Variants in MEIS2 observed in about 807,000 individuals in gnomAD.
The protein encoded by MEIS2 is homeobox protein Meis2.
Under a neutral mutation model 58.6 loss-of-function variants are expected in MEIS2, and 9 were observed. The observed-to-expected ratio is 0.15, with a 90% CI of 0.09 to 0.27. The LOEUF is 0.27. Ranked by LOEUF, MEIS2 falls within the 10% of genes least tolerant of loss-of-function variation. MEIS2 has a pLI of 1.00. For synonymous variants in MEIS2, 221 were observed against 228.4 expected (o/e 0.97, Z 0.29); for missense variants, 427 against 635.0 (o/e 0.67, Z 3.52).
chr15:36,962,016 T>A (rs192903188), intron 8 of MEIS2, among the ~76,000 whole-genome samples: 13 of 152,336 alleles, frequency 8.5e-5, no homozygotes, highest in Non-Finnish European at 1.8e-4. Flanking sequence ...AAACAGAACC[T>A]TAAAAGGACA....
intron 9 of MEIS2, among the ~76,000 whole-genome samples, chr15:36,935,186 CTTTT>C (rs71126245): frequency 2.9e-5 from 4 of 136,634 alleles, no homozygotes; most frequent in Non-Finnish European, 1.6e-5. Flanking sequence ...ATTCTTTTTT[CTTTT>C]TTTTTTTTTT....
chr15:37,007,625 T>C (rs896735579), intron 8 of MEIS2, among the ~76,000 whole-genome samples: 2 of 152,180 alleles, frequency 1.3e-5, no homozygotes, highest in Non-Finnish European at 2.9e-5. Context: ...TTGTGAAATA[T>C]TTTTCTGTTA....
At chr15:37,095,009 A>G (rs1421070122) in intron 4 of MEIS2, 1 of 155,620 alleles carries the variant, frequency 6.4e-6, no homozygotes, top group African/African-American at 2.4e-5. Context: ...CAGCATACCC[A>G]GCGAAATCCT....
chr15:36,978,462 T>G (rs1487260783), intron 8 of MEIS2, among the ~76,000 whole-genome samples: 1 of 152,236 alleles, frequency 6.6e-6, no homozygotes, highest in African/African-American at 2.4e-5. Flanking sequence ...CTACAGGCAC[T>G]GAAGTGTGCT....
intron 8 of MEIS2, among the ~76,000 whole-genome samples, chr15:37,007,225 G>T (rs2141617627): frequency 6.6e-6 from 1 of 152,262 alleles, no homozygotes; most frequent in East Asian, 1.9e-4. Context: ...CTTCTGGGAA[G>T]CCTAGCTCTC....
At chr15:37,013,857 T>C (rs1020983696) in intron 8 of MEIS2, among the ~76,000 whole-genome samples, 16 of 152,142 alleles carry the variant, frequency 1.1e-4, no homozygotes, top group African/African-American at 3.9e-4. Context: ...ATTCCTGGCT[T>C]ACTCCTCTTT....
chr15:36,917,437 A>C (rs1249187649), intron 9 of MEIS2, among the ~76,000 whole-genome samples: 1 of 151,754 alleles, frequency 6.6e-6, no homozygotes, highest in African/African-American at 2.4e-5. Context: ...GAAAAAAATA[A>C]ACGAAAGTAA....
intron 9 of MEIS2, among the ~76,000 whole-genome samples, chr15:36,922,456 T>C (rs2057552014): frequency 6.7e-6 from 1 of 150,296 alleles, no homozygotes; most frequent in African/African-American, 2.5e-5. Flanking sequence ...ACGTTTTAAC[T>C]ACTAAGATCC....
chr15:36,966,787 T>C (rs1009821643), intron 8 of MEIS2, among the ~76,000 whole-genome samples: 1 of 152,026 alleles, frequency 6.6e-6, no homozygotes, highest in East Asian at 1.9e-4. Flanking sequence ...TATACAGAGA[T>C]AGAAAATAAC....
intron 8 of MEIS2, among the ~76,000 whole-genome samples, chr15:37,004,885 G>A (rs2060860463): frequency 6.6e-6 from 1 of 150,964 alleles, no homozygotes; most frequent in Non-Finnish European, 1.5e-5. Flanking sequence ...TGAGGTGATG[G>A]ATATCCCAAT....
chr15:37,069,552 A>G (rs756511628), intron 7 of MEIS2, among the ~76,000 whole-genome samples: 14 of 152,162 alleles, frequency 9.2e-5, no homozygotes, highest in Non-Finnish European at 1.9e-4. Context: ...CACAGCCAAA[A>G]GGGGGTGTGA....
chr15:36,983,659 TG>T (rs1231503615), intron 8 of MEIS2, among the ~76,000 whole-genome samples: 4 of 152,112 alleles, frequency 2.6e-5, no homozygotes, highest in Non-Finnish European at 4.4e-5. Context: ...ATTTTAGGAT[TG>T]TTTTTTCTAT....
At chr15:36,952,664 CGAGA>C (rs901450140) in intron 8 of MEIS2, among the ~76,000 whole-genome samples, 3 of 136,766 alleles carry the variant, frequency 2.2e-5, no homozygotes, top group African/African-American at 5.4e-5. Context: ...TGTGTTTAAG[CGAGA>C]GAGAGAGAAG....
At chr15:36,935,775 T>C (rs1347479345) in intron 9 of MEIS2, among the ~76,000 whole-genome samples, 3 of 151,942 alleles carry the variant, frequency 2.0e-5, no homozygotes, top group Non-Finnish European at 4.4e-5. Flanking sequence ...AAAATCATTT[T>C]CCCCCTCTGT....
At chr15:36,997,637 G>A (rs531407786) in intron 8 of MEIS2, among the ~76,000 whole-genome samples, 1 of 149,642 alleles carries the variant, frequency 6.7e-6, no homozygotes, top group Non-Finnish European at 1.5e-5. Context: ...CTGCCACCAC[G>A]CCTGGCTAAT....
chr15:37,040,247 C>A (rs75018684), intron 7 of MEIS2, among the ~76,000 whole-genome samples: 3 of 152,050 alleles, frequency 2.0e-5, no homozygotes, highest in Admixed American at 6.6e-5. Context: ...GGAATCCTTG[C>A]GGGCAGTTAA....
At chr15:36,983,556 T>C (rs990970711) in intron 8 of MEIS2, among the ~76,000 whole-genome samples, 2 of 152,136 alleles carry the variant, frequency 1.3e-5, no homozygotes, top group Non-Finnish European at 2.9e-5. Context: ...AGCTTTGTAG[T>C]ATATTTTTAA....
chr15:37,075,765 A>C (rs1891323735), intron 7 of MEIS2, among the ~76,000 whole-genome samples: 1 of 152,054 alleles, frequency 6.6e-6, no homozygotes, highest in African/African-American at 2.4e-5. Context: ...AGTGCAGAGA[A>C]GGAGCCACGG....
At chr15:36,931,434 C>G (rs1364312101) in intron 9 of MEIS2, among the ~76,000 whole-genome samples, 1 of 152,080 alleles carries the variant, frequency 6.6e-6, no homozygotes, top group Non-Finnish European at 1.5e-5. Flanking sequence ...TGTGTTGTAA[C>G]TTTTAAAATA....
Sources: gnomAD v4.1 joint callset for allele counts (sites outside exome capture counted in the v4.1 genomes callset) on GRCh38, gnomAD v4.1.1 for gene constraint, MANE v1.5 for transcripts, NCBI Gene and HGNC (gene_info 2026-07-23, HGNC 2026-07-21) for gene names.